The following KLRF1 variants were observed in gnomAD, a reference collection of about 807,000 sequenced individuals.
KLRF1 encodes killer cell lectin-like receptor subfamily F member 1.
Under a neutral mutation model 30.7 loss-of-function variants are expected in KLRF1, and 27 were observed. The ratio of observed to expected loss-of-function variants is 0.88; its 90% CI spans 0.65 to 1.21. The LOEUF is 1.21. Ranked by LOEUF, KLRF1 falls within the 50% of genes most tolerant of loss-of-function variation. The pLI, the probability that KLRF1 is intolerant of heterozygous loss-of-function variation, is 0.00. For synonymous variants in KLRF1, 92 were observed against 89.3 expected (o/e 1.03, Z -0.17); for missense variants, 246 against 259.3 (o/e 0.95, Z 0.35).
chr12:9,831,257 G>A (rs1403668763), intron 1 of KLRF1, among the ~76,000 whole-genome samples: 1 of 152,004 alleles, frequency 6.6e-6, no homozygotes, highest in Non-Finnish European at 1.5e-5. Flanking sequence ...GAAATGTGGA[G>A]TATTCATTAA....
chr12:9,814,706 G>A, the KLRF1 span, among the ~76,000 whole-genome samples: 2 of 152,340 alleles, frequency 1.3e-5, no homozygotes, highest in African/African-American at 2.4e-5. Flanking sequence ...GTGGCCTGGG[G>A]ACCGCCTTTC....
the KLRF1 span, among the ~76,000 whole-genome samples, chr12:9,816,733 CTTT>C: frequency 0.19 from 25,410 of 132,350 alleles, 2,268 homozygotes; most frequent in East Asian, 0.54. Flanking sequence ...GCATTCTCTT[CTTT>C]TTTTTTTTTT....
At chr12:9,826,356 CTAT>C (rs1352125674), upstream of KLRF1, among the ~76,000 whole-genome samples, 1 of 151,964 alleles carries the variant, frequency 6.6e-6, no homozygotes, top group Non-Finnish European at 1.5e-5. Flanking sequence ...AGTCGAATGG[CTAT>C]TATTAAAAAG....
At chr12:9,808,475 T>C in the KLRF1 span, among the ~76,000 whole-genome samples, 1 of 152,146 alleles carries the variant, frequency 6.6e-6, no homozygotes, top group Admixed American at 6.5e-5. Flanking sequence ...CATCTATATA[T>C]CCTAATATGT....
At chr12:9,813,128 TA>T in the KLRF1 span, among the ~76,000 whole-genome samples, 2 of 148,442 alleles carry the variant, frequency 1.3e-5, no homozygotes, top group Non-Finnish European at 3.0e-5. Flanking sequence ...TATGTCTTTT[TA>T]TTTTTTTATT....
In KLRF1 at chr12:9,833,901, CTTTTTTTTTT is replaced by C. The variant is rs35443913; in HGVS notation, c.334+465_334+474del. On this transcript the variant is annotated intron_variant, in intron 3 of 5. Transcript: ENST00000617889. Reference sequence around the variant, plus strand: ...TTACCTTCTATTTTTAAATGTTTAACTTTTTTTTTTTTTTTTTTTTTTTTTGAGCAACAAG... The same window carrying C: ...TTACCTTCTATTTTTAAATGTTTAACTTTTTTTTTTTTTTTGAGCAACAAG... 7.3e-5 allele frequency among the ~76,000 whole-genome samples: 6 copies of C among 82,406 alleles called. No homozygotes were observed. In the South Asian group the frequency reaches 2.3e-3, roughly 32 times the overall value. The allele number at this position is 82,406 out of a possible 152,430, so 54.1% of individuals were successfully genotyped here. A position where few individuals can be genotyped will look rare whatever the true frequency, so the allele number is the denominator to read the frequency against.
intron 1 of KLRF1, among the ~76,000 whole-genome samples, chr12:9,830,881 T>G (rs772196449): frequency 1.3e-5 from 2 of 152,134 alleles, no homozygotes; most frequent in South Asian, 4.1e-4. Context: ...AATTAAACCA[T>G]TTCCTTATAG....
intron 3 of KLRF1, among the ~76,000 whole-genome samples, chr12:9,839,530 AAC>A (rs1276477368): frequency 6.6e-6 from 1 of 152,114 alleles, no homozygotes; most frequent in African/African-American, 2.4e-5. Context: ...ATAACTCAAA[AAC>A]ACAACCCAGT....
At chr12:9,822,018 A>G in the KLRF1 span, among the ~76,000 whole-genome samples, 13 of 152,222 alleles carry the variant, frequency 8.5e-5, 1 homozygote, top group Admixed American at 7.9e-4. Flanking sequence ...TCTACTGACT[A>G]TATGCAATCT....
upstream of KLRF1, among the ~76,000 whole-genome samples, chr12:9,827,224 G>A (rs1202109820): frequency 6.6e-6 from 1 of 152,028 alleles, no homozygotes; most frequent in African/African-American, 2.4e-5. Context: ...CTCAAAAAGG[G>A]GCATAATTTC....
chr12:9,838,751 A>T (rs1268174813), intron 3 of KLRF1, among the ~76,000 whole-genome samples: 1 of 152,196 alleles, frequency 6.6e-6, no homozygotes, highest in East Asian at 1.9e-4. Flanking sequence ...TATAGACTAC[A>T]GGGAGTTAAG....
chr12:9,835,011 G>A lies in KLRF1; in HGVS notation c.334+1559G>A, dbSNP rs183695067. The stretch of plus-strand genomic sequence containing the variant: ...CACTAGAGAGGCTATGGAAGGTCGT[G>A]ACAGAGGTTGAAATGCCTCCTATTC... On this transcript the variant is annotated intron_variant, in intron 3 of 5. Coordinates refer to ENST00000617889, the MANE Select transcript of KLRF1 (RefSeq NM_016523.3). Among the ~76,000 whole-genome samples, 653 of 152,190 alleles carry A rather than the reference G, an allele frequency of 4.3e-3. 4 individuals carry two copies. Among genetic ancestry groups the A allele is most frequent in the African/African-American group, 0.015 (631 of 41,520 alleles).
In KLRF1 at chr12:9,832,349, T is replaced by G; in HGVS notation, c.119T>G (p.Leu40Ter). ...YSVTLHWYKI[L>*]LGISGTVNGI... Reference sequence around the variant, plus strand: ...GTGACGTTGCACTGGTATAAAATCTTACTGGGAATATCTGGAACCGTGAAT... The same window carrying G: ...GTGACGTTGCACTGGTATAAAATCTGACTGGGAATATCTGGAACCGTGAAT... Residue 40 changes from leucine (L) to a stop codon, truncating the protein, a stop_gained, in exon 2 of 6, where the codon TTA becomes TGA. Transcript: ENST00000617889. LOFTEE classifies it high-confidence loss of function. 1 of 1,608,948 alleles carries G rather than the reference T, an allele frequency of 6.2e-7. No homozygotes were observed. Among genetic ancestry groups the G allele is most frequent in the South Asian group, 1.1e-5 (1 of 90,834 alleles).
chr12:9,800,733 T>G, the KLRF1 span, among the ~76,000 whole-genome samples: 2 of 152,026 alleles, frequency 1.3e-5, no homozygotes, highest in African/African-American at 4.8e-5. Context: ...TTGTTGAGCT[T>G]TAAGAGTTAT....
the KLRF1 span, among the ~76,000 whole-genome samples, chr12:9,808,627 G>A: frequency 6.6e-6 from 1 of 152,164 alleles, no homozygotes; most frequent in South Asian, 2.1e-4. Context: ...ACCACAGAAT[G>A]CTGCAATCAT....
chr12:9,837,900 A>G (rs939851056), intron 3 of KLRF1, among the ~76,000 whole-genome samples: 4 of 152,162 alleles, frequency 2.6e-5, no homozygotes, highest in Non-Finnish European at 4.4e-5. Flanking sequence ...ATTACTACTG[A>G]TAGCAAGGCC....
chr12:9,802,236 T>C, the KLRF1 span, among the ~76,000 whole-genome samples: 1,388 of 151,958 alleles, frequency 9.1e-3, 22 homozygotes, highest in African/African-American at 0.032. Flanking sequence ...ATGACAAAAA[T>C]CATATGATTA....
At chr12:9,819,289 G>A in the KLRF1 span, among the ~76,000 whole-genome samples, 57 of 152,150 alleles carry the variant, frequency 3.7e-4, no homozygotes, top group Middle Eastern at 3.2e-3. Flanking sequence ...AATCCAAGGG[G>A]CTGAGCAGGG....
intron 1 of KLRF1, among the ~76,000 whole-genome samples, chr12:9,829,912 AC>A: frequency 6.6e-6 from 1 of 152,326 alleles, no homozygotes; most frequent in Admixed American, 6.5e-5. Context: ...CTTTCAGATA[AC>A]TTTATAAAAA....
Sources: allele counts gnomAD v4.1 joint callset (sites outside exome capture counted in the v4.1 genomes callset), GRCh38; gene constraint gnomAD v4.1.1; transcripts MANE v1.5; gene names NCBI Gene and HGNC (gene_info 2026-07-23, HGNC 2026-07-21).